Variants in DNAI4 observed in about 807,000 individuals in gnomAD.
DNAI4 encodes the protein dynein axonemal intermediate chain 4, also known as WD repeat domain 78.
In DNAI4, 85 loss-of-function variants were observed where a neutral mutation model predicts 105.8. The observed-to-expected ratio is 0.80, with a 90% CI of 0.67 to 0.96. The LOEUF (loss-of-function observed/expected upper bound fraction) is 0.96, where lower values mean the gene tolerates loss of function less well. Ranked by LOEUF, DNAI4 falls within the 40% of genes least tolerant of loss-of-function variation. The probability of loss-of-function intolerance (pLI) is 0.00; values close to 1 mark genes in which losing one functional copy is unlikely to be tolerated. For missense variants in DNAI4, 1,014 were observed against 1,005.6 expected (o/e 1.01, Z -0.11); for synonymous variants, 352 against 331.5 (o/e 1.06, Z -0.67).
intron 9 of DNAI4, 96 bp downstream of exon 9, chr1:66,840,373 T>C: frequency 8.5e-7 from 1 of 1,174,592 alleles, no homozygotes; most frequent in Non-Finnish European, 1.2e-6. Context: ...TTAAATTCCT[T>C]GTGCCATATC....
chr1:66,872,345 C>T (rs1334022741), intron 5 of DNAI4, among the ~76,000 whole-genome samples: 2 of 152,104 alleles, frequency 1.3e-5, no homozygotes, highest in Non-Finnish European at 1.5e-5. Context: ...TCTCCTGCCT[C>T]GGCCTCCCGA....
intron 1 of DNAI4, chr1:66,919,132 C>A: frequency 2.3e-6 from 1 of 444,086 alleles, no homozygotes; most frequent in Non-Finnish European, 4.5e-6. Flanking sequence ...ATGTATAAAA[C>A]AAAGACATGC....
intron 7 of DNAI4, among the ~76,000 whole-genome samples, chr1:66,854,560 G>C (rs1646461337): frequency 6.6e-6 from 1 of 152,190 alleles, no homozygotes; most frequent in South Asian, 2.1e-4. Flanking sequence ...TCCCAGCACT[G>C]GGAGGCGGAG....
intron 7 of DNAI4, among the ~76,000 whole-genome samples, chr1:66,854,507 G>T (rs750033393): frequency 6.6e-6 from 1 of 152,154 alleles, no homozygotes; most frequent in Non-Finnish European, 1.5e-5. Context: ...ATTTTAAAAG[G>T]TTGAAGAAGA....
chr1:66,848,102 AG>A, intron 7 of DNAI4: 1 of 416,212 alleles, frequency 2.4e-6, no homozygotes. Context: ...ACAGTTCAGT[AG>A]ATTAGAGGCC....
chr1:66,851,997 G>T (rs528565956), intron 7 of DNAI4, among the ~76,000 whole-genome samples: 2 of 151,758 alleles, frequency 1.3e-5, no homozygotes, highest in East Asian at 3.9e-4. Context: ...TAACAAAATT[G>T]ACAATCTTCC....
At chr1:66,839,871 C>T (rs531928136) in intron 9 of DNAI4, among the ~76,000 whole-genome samples, 1 of 152,252 alleles carries the variant, frequency 6.6e-6, no homozygotes, top group African/African-American at 2.4e-5. Flanking sequence ...ATTATTTATG[C>T]TTTTTGTGCT....
chr1:66,840,640 TA>T lies in DNAI4; in HGVS notation c.1322del (p.Leu441Ter). The T allele has an allele frequency of 6.2e-7, 1 of 1,614,158 alleles. No individual in the cohort carries two copies. Among genetic ancestry groups the T allele is most frequent in the South Asian group, 1.1e-5 (1 of 91,072 alleles). On this transcript the variant is annotated frameshift_variant, in exon 9 of 17. Coordinates refer to ENST00000371026, the MANE Select transcript of DNAI4 (RefSeq NM_024763.5). LOFTEE classifies it high-confidence loss of function. The part of the protein sequence containing the change: ...EPEPEEPEDV[L>X]ESAKHEEVEE... ...CTACCTCTTCATGTTTTGCACTTTC[TA>T]AAACATCTTCAGGCTCTTCAGGTTC...
rs575811036 is a variant in DNAI4 at position 66,813,933 on chromosome 1, C to T, written c.*197G>A. The T allele has an allele frequency of 8.7e-6, 4 of 459,674 alleles. No individual in the cohort carries two copies. The highest frequency in any genetic ancestry group is 4.6e-5 in the South Asian group (1 of 21,844). 28.5% of individuals were successfully genotyped at this position (459,674 alleles called of 1,614,324 possible). A position where few individuals can be genotyped will look rare whatever the true frequency, so the allele number is the denominator to read the frequency against. On this transcript the variant is annotated 3_prime_UTR_variant, in exon 17 of 17. Transcript: ENST00000371026. ...AAAAATTAAGAAAATTCCACTGAAA[C>T]TCTTAAGAATAACTCTTAGATTGTA... is the stretch of plus-strand genomic sequence containing the variant.
chr1:66,905,046 T>C (rs1029657581), intron 2 of DNAI4, 155 bp downstream of exon 2: 5 of 532,142 alleles, frequency 9.4e-6, no homozygotes, highest in Non-Finnish European at 1.5e-5. Context: ...GTCAATATTA[T>C]GTTGTATGGA....
rs747069069 is a variant in DNAI4, at chr1:66,892,999, G to GAAAGAAAGAGAA, written c.530+229_530+230insTTCTCTTTCTTT. 5.3e-4 allele frequency among the ~76,000 whole-genome samples: 37 copies of GAAAGAAAGAGAA among 70,274 alleles called. 1 individual carries two copies. The highest frequency in any genetic ancestry group is 2.3e-3 in the African/African-American group (37 of 16,334). The allele number at this position is 70,274 out of a possible 152,430, so 46.1% of individuals were successfully genotyped here. A position where few individuals can be genotyped will look rare whatever the true frequency, so the allele number is the denominator to read the frequency against. On this transcript the variant is annotated intron_variant, in intron 3 of 16. Transcript: ENST00000371026. ...AAAGAAAGAAAGAAAGAAAGAAAGA[G>GAAAGAAAGAGAA]AGAAAGAGAGAGAGGAAAGAAAGAA...
chr1:66,845,097 G>A (rs546086602), intron 8 of DNAI4, among the ~76,000 whole-genome samples: 19 of 148,924 alleles, frequency 1.3e-4, no homozygotes, highest in Non-Finnish European at 1.9e-4. Context: ...GGAGGCTGAG[G>A]CAGGAATCAC....
chr1:66,891,085 C>G, intron 4 of DNAI4, 69 bp downstream of exon 4: 1 of 1,191,216 alleles, frequency 8.4e-7, no homozygotes, highest in Non-Finnish European at 1.3e-6. Context: ...TCTCAAGTAT[C>G]CAACCAATAA....
In DNAI4 at chr1:66,858,532, C is replaced by CAAAAAA. The variant is rs3033717; in HGVS notation, c.1096+3609_1096+3614dup. Among the ~76,000 whole-genome samples the CAAAAAA allele has an allele frequency of 2.4e-4, 15 of 63,586 alleles. 1 individual carries two copies. Among genetic ancestry groups the CAAAAAA allele is most frequent in the African/African-American group, 6.1e-4 (11 of 17,954 alleles). 41.7% of individuals were successfully genotyped at this position (63,586 alleles called of 152,430 possible). On this transcript the variant is annotated intron_variant, in intron 7 of 16. Transcript: ENST00000371026. ...TGGGCAACAGAGCAAGACTCCGTCTCAAAAAAAAAAAAAAAAAATGCAAAA... is the reference window on the plus strand; with the variant it reads ...TGGGCAACAGAGCAAGACTCCGTCTCAAAAAAAAAAAAAAAAAAAAAAAATGCAAAA...
In DNAI4 at chr1:66,924,763, G is replaced by A. The variant is rs748616434; in HGVS notation, c.69C>T (p.Asp23=). 2 of 1,614,196 alleles carry A rather than the reference G, an allele frequency of 1.2e-6. No homozygotes were observed. The highest frequency in any genetic ancestry group is 1.1e-5 in the South Asian group (1 of 91,088). The change falls in exon 1 of 17, where the codon GAC becomes GAT. Residue 23 remains aspartate, a synonymous_variant. Transcript: ENST00000371026. ...ACCCCTTTTTTTGGCCGCCTCTGAA[G>A]TCCCTGTACCCCCAAGCTCCTCCGT... is the stretch of plus-strand genomic sequence containing the variant. The part of the protein sequence containing the change: ...AANGGAWGYR[D]FRGGQKKGWC...
intron 6 of DNAI4, among the ~76,000 whole-genome samples, chr1:66,869,953 G>A (rs1400602661): frequency 6.6e-6 from 1 of 152,094 alleles, no homozygotes; most frequent in African/African-American, 2.4e-5. Context: ...AGAAAGAGAT[G>A]GAGATAAAGA....
chr1:66,857,492 G>GA (rs201186717), intron 7 of DNAI4, among the ~76,000 whole-genome samples: 3 of 143,254 alleles, frequency 2.1e-5, no homozygotes, highest in East Asian at 2.0e-4. Context: ...TAATAAAAAA[G>GA]AAAAAAAAAG....
In DNAI4 at chr1:66,894,136, A is replaced by T. The variant is rs116247811; in HGVS notation, c.346-723T>A. Among the ~76,000 whole-genome samples, 304 of 152,316 alleles carry T rather than the reference A, an allele frequency of 2.0e-3. 3 individuals carry two copies. Among genetic ancestry groups the T allele is most frequent in the African/African-American group, 7.1e-3 (294 of 41,580 alleles). ...TACTCCTTTTATTTCTTAAAAAAAT[A>T]GTTAACTGTAAAACAGCCTCGGGCA... On this transcript the variant is annotated intron_variant, in intron 2 of 16. Transcript: ENST00000371026.
chr1:66,823,109 C>T (rs1404526513), intron 15 of DNAI4, among the ~76,000 whole-genome samples: 1 of 145,018 alleles, frequency 6.9e-6, no homozygotes, highest in African/African-American at 2.5e-5. Flanking sequence ...CTTCCCGTGT[C>T]CATGTGTTCT....
Sources: gnomAD v4.1 joint callset for allele counts (sites outside exome capture counted in the v4.1 genomes callset) on GRCh38, gnomAD v4.1.1 for gene constraint, MANE v1.5 for transcripts, NCBI Gene and HGNC (gene_info 2026-07-23, HGNC 2026-07-21) for gene names.